The following HIVEP3 variants were observed in gnomAD, a reference collection of about 807,000 sequenced individuals.
HIVEP3 encodes HIVEP zinc finger 3, also known as transcription factor HIVEP3.
HIVEP3 carries 49 observed loss-of-function variants against 152.8 expected under a neutral mutation model. The observed-to-expected ratio is 0.32, with a 90% CI of 0.26 to 0.41. The LOEUF is 0.41. Among genes scored for constraint, HIVEP3 ranks in the 10% least tolerant of loss-of-function variants. The pLI is 1.00. For missense variants in HIVEP3, 2,790 were observed against 3,103.3 expected (o/e 0.90, Z 2.40); for synonymous variants, 1,269 against 1,289.0 (o/e 0.98, Z 0.33).
intron 4 of HIVEP3, among the ~76,000 whole-genome samples, chr1:41,578,833 A>G (rs1050832469): frequency 2.0e-5 from 3 of 152,172 alleles, no homozygotes; most frequent in African/African-American, 7.2e-5. Flanking sequence ...TCAGAGGTGG[A>G]GGTGAGCAGT....
At chr1:41,986,699 C>T (rs946073390) in intron 1 of HIVEP3, among the ~76,000 whole-genome samples, 2 of 152,204 alleles carry the variant, frequency 1.3e-5, no homozygotes, top group African/African-American at 4.8e-5. Context: ...CTTGGCCTCC[C>T]AAAGTGCTGG....
In HIVEP3 at chr1:41,585,151, C is replaced by T; in HGVS notation, c.-354G>A. 1 of 399,382 alleles carries T rather than the reference C, an allele frequency of 2.5e-6. No homozygotes were observed. Among genetic ancestry groups the T allele is most frequent in the South Asian group, 1.3e-4 (1 of 7,414 alleles). 24.7% of individuals were successfully genotyped at this position (399,382 alleles called of 1,614,324 possible). A position where few individuals can be genotyped will look rare whatever the true frequency, so the allele number is the denominator to read the frequency against. On this transcript the variant is annotated 5_prime_UTR_variant, in exon 4 of 9. Transcript: ENST00000372583. ...CAGTGGCAGGTGGCCCCCACGAGTC[C>T]CCCGTGTGCTATGCAAACGGTTGAA...
At position 41,510,606 on chromosome 1, in the gene HIVEP3, C is replaced by T; in HGVS notation, c.7066G>A (p.Gly2356Ser). 17 of 1,555,560 alleles carry T rather than the reference C, an allele frequency of 1.1e-5. No individual in the cohort carries two copies. The highest frequency in any genetic ancestry group is 1.5e-5 in the Non-Finnish European group (17 of 1,150,296). Residue 2356 changes from glycine to serine, a missense_variant, in exon 9 of 9, where the codon GGC becomes AGC. Transcript: ENST00000372583. The part of the protein sequence containing the change: ...TPPLDRSSSV[G>S]CLAEASARFP... ...CGGGCAGAGGCCTCTGCCAGGCAGC[C>T]CACAGAGCTGCTGCGGTCCAGCGGC...
intron 1 of HIVEP3, among the ~76,000 whole-genome samples, chr1:41,845,409 ACACACACACG>A (rs1301152448): frequency 0.03 from 3,414 of 115,624 alleles, 138 homozygotes; most frequent in African/African-American, 0.12. Flanking sequence ...TCCTATACAC[ACACACACACG>A]CACACACACA....
rs540739984 is a variant in HIVEP3 at position 41,918,640 on chromosome 1, G to C, written c.-1028C>G. 14 of 152,282 alleles carry C rather than the reference G, an allele frequency of 9.2e-5. No individual in the cohort carries two copies. The highest frequency in any genetic ancestry group is 3.4e-4 in the African/African-American group (14 of 41,536). 9.4% of individuals were successfully genotyped at this position (152,282 alleles called of 1,614,324 possible). On this transcript the variant is annotated 5_prime_UTR_variant, in exon 1 of 9. Coordinates refer to ENST00000372583, the MANE Select transcript of HIVEP3 (RefSeq NM_024503.5). The surrounding 1 kb of genome is among the most constrained non-coding windows in gnomAD (Gnocchi z 4.3). ...TGTTTGTATACACACATATGCACAC[G>C]GAATAGCCATGTACATTGAAGCACC...
At chr1:41,542,148 A>T (rs760187237) in intron 5 of HIVEP3, 9 of 152,274 alleles carry the variant, frequency 5.9e-5, no homozygotes, top group Non-Finnish European at 1.0e-4. Flanking sequence ...AGAAGCCTGG[A>T]GATGTCTCCC....
At chr1:41,696,531 T>G (rs1646278682) in intron 2 of HIVEP3, among the ~76,000 whole-genome samples, 1 of 152,214 alleles carries the variant, frequency 6.6e-6, no homozygotes, top group Non-Finnish European at 1.5e-5. Flanking sequence ...CAAGCTAAAA[T>G]TACTGTCAGA....
intron 5 of HIVEP3, among the ~76,000 whole-genome samples, chr1:41,538,307 G>A (rs987261002): frequency 2.6e-5 from 4 of 152,124 alleles, no homozygotes; most frequent in African/African-American, 4.8e-5. Context: ...GGACAGAGGC[G>A]AGGGCAAGAG....
At chr1:42,008,823 G>C (rs554736034) in intron 1 of HIVEP3, among the ~76,000 whole-genome samples, 1 of 152,252 alleles carries the variant, frequency 6.6e-6, no homozygotes, top group East Asian at 1.9e-4. Flanking sequence ...TATTCTCCTT[G>C]TCCGTGTGTC....
intron 5 of HIVEP3, among the ~76,000 whole-genome samples, chr1:41,564,332 T>G (rs1644129530): frequency 6.6e-6 from 1 of 151,626 alleles, no homozygotes. Flanking sequence ...AGAAAACAGA[T>G]AGGAGGGCCA....
chr1:41,824,469 C>A (rs917893119), intron 1 of HIVEP3, among the ~76,000 whole-genome samples: 2 of 152,010 alleles, frequency 1.3e-5, no homozygotes, highest in East Asian at 1.9e-4. Context: ...ACACAGCTAA[C>A]GTTGTAAGTG....
chr1:41,692,900 T>A (rs1161771883), intron 2 of HIVEP3, among the ~76,000 whole-genome samples: 1 of 152,230 alleles, frequency 6.6e-6, no homozygotes, highest in East Asian at 1.9e-4. Flanking sequence ...TTACAAACAA[T>A]ACTATGATGA....
At chr1:41,805,733 G>A (rs1008691061) in intron 1 of HIVEP3, among the ~76,000 whole-genome samples, 8 of 152,238 alleles carry the variant, frequency 5.3e-5, no homozygotes, top group African/African-American at 1.7e-4. Flanking sequence ...AAGAGCCAGA[G>A]AGAAGGGAAT....
intron 1 of HIVEP3, among the ~76,000 whole-genome samples, chr1:41,755,171 T>C (rs907019045): frequency 3.3e-5 from 5 of 152,174 alleles, no homozygotes; most frequent in Admixed American, 6.5e-5. Flanking sequence ...CAACCGAGTT[T>C]GGACAAAGGC....
chr1:41,897,939 GA>G (rs1453173295), intron 1 of HIVEP3, among the ~76,000 whole-genome samples: 6 of 3,584 alleles, frequency 1.7e-3, no homozygotes, highest in African/African-American at 7.1e-3. Context: ...GAGAGAGAGG[GA>G]GAGAGAGAGA....
chr1:41,913,584 A>G (rs1313352816), intron 1 of HIVEP3, among the ~76,000 whole-genome samples: 5 of 152,030 alleles, frequency 3.3e-5, no homozygotes, highest in Admixed American at 2.0e-4. Context: ...TTTTTTTAAG[A>G]CAGGGTCTTG....
At chr1:41,714,549 C>T (rs1646561672) in intron 1 of HIVEP3, among the ~76,000 whole-genome samples, 2 of 152,152 alleles carry the variant, frequency 1.3e-5, no homozygotes, top group African/African-American at 4.8e-5. Flanking sequence ...GATTCCAGAA[C>T]ACGGGTTCTT....
chr1:41,524,563 G>A (rs931896119), intron 6 of HIVEP3, among the ~76,000 whole-genome samples, 172 bp downstream of exon 6: 3 of 152,172 alleles, frequency 2.0e-5, no homozygotes, highest in African/African-American at 7.2e-5. Flanking sequence ...CCACAGGCCA[G>A]TCTGGAGCCA....
chr1:42,013,563 G>A (rs943869571), intron 1 of HIVEP3, among the ~76,000 whole-genome samples: 1 of 152,194 alleles, frequency 6.6e-6, no homozygotes. Context: ...TTCCAGCAAT[G>A]AATTAATAAC....
Sources: allele counts gnomAD v4.1 joint callset (sites outside exome capture counted in the v4.1 genomes callset), GRCh38; gene constraint gnomAD v4.1.1; non-coding constraint Gnocchi (gnomAD v3.1); transcripts MANE v1.5; gene names NCBI Gene and HGNC (gene_info 2026-07-23, HGNC 2026-07-21).